Variants in EZH2 observed in about 807,000 individuals in gnomAD.
EZH2 encodes the protein histone-lysine N-methyltransferase EZH2.
EZH2 carries 18 observed loss-of-function variants against 98.4 expected under a neutral mutation model. The observed-to-expected ratio is 0.18, with a 90% CI of 0.13 to 0.27. The LOEUF (loss-of-function observed/expected upper bound fraction) is 0.27, where lower values mean the gene tolerates loss of function less well. Among genes scored for constraint, EZH2 ranks in the 10% least tolerant of loss-of-function variants. The probability of loss-of-function intolerance (pLI) is 1.00; values close to 1 mark genes in which losing one functional copy is unlikely to be tolerated. For missense variants in EZH2, 470 were observed against 935.1 expected (o/e 0.50, Z 6.49); for synonymous variants, 338 against 312.3 (o/e 1.08, Z -0.87).
Position 148,809,400 on chromosome 7 carries a change from A to G in EZH2, c.2030-10T>C. On this transcript the variant is annotated splice_polypyrimidine_tract_variant and intron_variant, in intron 17 of 19. Transcript: ENST00000320356. ...GCATCCACCACAAAATCTAAAAAGA[A>G]AAAAGTAAGCACAGCCCAGTGAATA... 1.3e-6 allele frequency: 2 copies of G among 1,594,816 alleles called. No homozygotes were observed. The highest frequency in any genetic ancestry group is 1.1e-5 in the South Asian group (1 of 90,376).
rs80151154 is a variant in EZH2 at position 148,830,046 on chromosome 7, T to C, written c.364-198A>G. Among the ~76,000 whole-genome samples, 323 of 152,258 alleles carry C rather than the reference T, an allele frequency of 2.1e-3. 1 individual carries two copies. The highest frequency in any genetic ancestry group is 6.6e-3 in the African/African-American group (273 of 41,560). On this transcript the variant is annotated intron_variant, in intron 4 of 19. Transcript: ENST00000320356. Reference sequence around the variant, plus strand: ...CCAATAAGCATATCTGAGAAAACTGTTGACAGAAAAAAAATTTAATTCTAG... The same window carrying C: ...CCAATAAGCATATCTGAGAAAACTGCTGACAGAAAAAAAATTTAATTCTAG...
intron 1 of EZH2, among the ~76,000 whole-genome samples, chr7:148,858,860 T>A (rs1290417065): frequency 6.6e-6 from 1 of 152,206 alleles, no homozygotes; most frequent in Admixed American, 6.5e-5. Flanking sequence ...TAATGCACTT[T>A]TAGGCTTCTA....
chr7:148,846,529 G>C lies in EZH2; in HGVS notation c.187C>G (p.Arg63Gly), dbSNP rs2129484980. The C allele has an allele frequency of 6.2e-7, 1 of 1,613,668 alleles. No individual in the cohort carries two copies. The highest frequency in any genetic ancestry group is 8.5e-7 in the Non-Finnish European group (1 of 1,179,864). The change falls in exon 3 of 20, where the codon CGA (arginine) becomes GGA (glycine). Residue 63 changes from arginine to glycine, a missense_variant. By Grantham distance (125) the Arg-to-Gly change is moderately radical. Transcript: ENST00000320356. ...AGGATGTGCACAGGCTGTATCCTTC[G>C]CTGTTTCCATTCTTGGTTTAAGATT... is the stretch of plus-strand genomic sequence containing the variant. ...TEILNQEWKQ[R>G]RIQPVHILTS...
chr7:148,865,143 A>AG (rs72303343), intron 1 of EZH2, among the ~76,000 whole-genome samples: 1 of 150,778 alleles, frequency 6.6e-6, no homozygotes, highest in African/African-American at 2.4e-5. Context: ...AAAAAAAAAA[A>AG]GTACCAGAAA....
intron 1 of EZH2, among the ~76,000 whole-genome samples, chr7:148,876,635 C>T (rs1820205117): frequency 6.6e-6 from 1 of 152,194 alleles, no homozygotes. Flanking sequence ...TCAATCACAA[C>T]AGATTGGTTT....
chr7:148,848,505 G>C (rs1224089204), intron 1 of EZH2, among the ~76,000 whole-genome samples: 1 of 152,140 alleles, frequency 6.6e-6, no homozygotes, highest in Non-Finnish European at 1.5e-5. Context: ...CATGCACAGA[G>C]AAAACTGCCT....
At chr7:148,810,156 T>G in intron 17 of EZH2, 177 bp downstream of exon 17, 1 of 492,486 alleles carries the variant, frequency 2.0e-6, no homozygotes, top group Non-Finnish European at 3.7e-6. Flanking sequence ...CTAGTCTATC[T>G]GCTCCCTGAG....
chr7:148,882,616 G>A (rs529523807), intron 1 of EZH2, among the ~76,000 whole-genome samples: 2 of 152,158 alleles, frequency 1.3e-5, no homozygotes, highest in Non-Finnish European at 2.9e-5. Context: ...TAATGCTTAT[G>A]AAGAGTAATA....
chr7:148,878,160 C>A (rs909790749), intron 1 of EZH2, among the ~76,000 whole-genome samples: 1 of 152,122 alleles, frequency 6.6e-6, no homozygotes, highest in Non-Finnish European at 1.5e-5. Flanking sequence ...GTGTACAATT[C>A]TGTGGCATTA....
chr7:148,831,768 T>C (rs1489305994), intron 4 of EZH2, among the ~76,000 whole-genome samples: 2 of 152,218 alleles, frequency 1.3e-5, no homozygotes, highest in African/African-American at 4.8e-5. Flanking sequence ...AGGACTTCTA[T>C]CAACATTTTA....
At chr7:148,879,817 G>A (rs546428096) in intron 1 of EZH2, among the ~76,000 whole-genome samples, 1 of 151,890 alleles carries the variant, frequency 6.6e-6, no homozygotes, top group East Asian at 1.9e-4. Context: ...AAAAAAAAAA[G>A]TATCTGGGTC....
intron 1 of EZH2, among the ~76,000 whole-genome samples, chr7:148,859,746 A>G (rs1195354163): frequency 6.6e-6 from 1 of 152,216 alleles, no homozygotes; most frequent in East Asian, 1.9e-4. Flanking sequence ...ATGTAAGAGC[A>G]TGTTTTCTGG....
In EZH2 at chr7:148,826,459, T is replaced by C. The variant is rs1253081994; in HGVS notation, c.902A>G (p.Asn301Ser). ...GATAGAAAATGAAAACGTACAATAA[T>C]TGCACTTACGATGTAGGAAGCAGTC... Reference protein sequence around the residue: ...KYDCFLHRKCNYSFHATPNTY... With the variant: ...KYDCFLHRKCSYSFHATPNTY... Residue 301 changes from asparagine to serine, a missense_variant, in exon 8 of 20, where the codon AAT becomes AGT. Asn to Ser is a conservative substitution (Grantham distance 46). Around this residue, in one of 6 missense-constraint regions of EZH2, gnomAD observed 192 missense variants for 306.8 expected, o/e 0.63. Transcript: ENST00000320356. 1 of 1,574,790 alleles carries C rather than the reference T, an allele frequency of 6.4e-7. No homozygotes were observed. Among genetic ancestry groups the C allele is most frequent in the South Asian group, 1.2e-5 (1 of 83,842 alleles).
intron 1 of EZH2, among the ~76,000 whole-genome samples, chr7:148,850,212 G>GT (rs1221697031): frequency 2.0e-5 from 3 of 152,066 alleles, no homozygotes; most frequent in Non-Finnish European, 4.4e-5. Context: ...TAGAGACAGG[G>GT]TTTCACCGTG....
Position 148,866,517 on chromosome 7 carries a change from T to TAC in EZH2, c.-8+17646_-8+17647insGT, listed in dbSNP as rs1563063055. Among the ~76,000 whole-genome samples, 60 of 96,954 alleles carry TAC rather than the reference T, an allele frequency of 6.2e-4. 1 individual carries two copies. Among genetic ancestry groups the TAC allele is most frequent in the African/African-American group, 1.9e-3 (47 of 24,682 alleles). The allele number at this position is 96,954 out of a possible 152,430, so 63.6% of individuals were successfully genotyped here. ...ATATATATACGTATATACATATATA[T>TAC]GTGTATATACATATATATACGTATA... On this transcript the variant is annotated intron_variant, in intron 1 of 19. Coordinates refer to ENST00000320356, the MANE Select transcript of EZH2 (RefSeq NM_004456.5).
chr7:148,827,216 C>T lies in EZH2; in HGVS notation c.676G>A (p.Ala226Thr). 1 of 1,613,738 alleles carries T rather than the reference C, an allele frequency of 6.2e-7. No homozygotes were observed. Among genetic ancestry groups the T allele is most frequent in the African/African-American group, 1.3e-5 (1 of 75,004 alleles). ...TTATCTGGAAACATTGAGGAAATGGCTTCAAAAATTTTATCAGAAGGAAAT... is the reference window on the plus strand; with the variant it reads ...TTATCTGGAAACATTGAGGAAATGGTTTCAAAAATTTTATCAGAAGGAAAT... ...RKFPSDKIFE[A>T]ISSMFPDKGT... Residue 226 changes from alanine (A) to threonine (T), a missense_variant, in exon 7 of 20, where the codon GCC becomes ACC. By Grantham distance (58) the Ala-to-Thr change is moderately conservative. Around this residue, in one of 6 missense-constraint regions of EZH2, gnomAD observed 69 missense variants for 78.3 expected, o/e 0.88. Coordinates refer to ENST00000320356, the MANE Select transcript of EZH2 (RefSeq NM_004456.5).
chr7:148,872,688 T>A (rs567102158), intron 1 of EZH2, among the ~76,000 whole-genome samples: 1 of 152,220 alleles, frequency 6.6e-6, no homozygotes, highest in Non-Finnish European at 1.5e-5. Context: ...TTAATTATGA[T>A]TGAAATTCTT....
intron 3 of EZH2, among the ~76,000 whole-genome samples, chr7:148,839,088 G>GGAAA (rs1554402478): frequency 0.013 from 1,876 of 140,884 alleles, 79 homozygotes; most frequent in African/African-American, 0.051. Flanking sequence ...AAGGAAGGAA[G>GGAAA]GAAGGAAGGA....
intron 1 of EZH2, among the ~76,000 whole-genome samples, chr7:148,864,683 C>CA (rs200348491): frequency 0.31 from 24,791 of 80,846 alleles, 2,687 homozygotes; most frequent in East Asian, 0.38. Context: ...GAGACTGTCT[C>CA]AAAAAAAAAA....
Sources: gnomAD v4.1 joint callset for allele counts (sites outside exome capture counted in the v4.1 genomes callset) on GRCh38, gnomAD v4.1.1 for gene constraint, gnomAD v4.1.1 regional missense constraint, MANE v1.5 for transcripts, NCBI Gene and HGNC (gene_info 2026-07-23, HGNC 2026-07-21) for gene names.